GTF2F2: variants seen among roughly 807,000 people sequenced by gnomAD.
The protein encoded by GTF2F2 is general transcription factor IIF subunit 2, also known as ATP-dependent helicase GTF2F2.
Under a neutral mutation model 42.2 loss-of-function variants are expected in GTF2F2, and 23 were observed. The observed-to-expected ratio is 0.55, with a 90% CI of 0.39 to 0.77. The LOEUF (loss-of-function observed/expected upper bound fraction) is 0.77, where lower values mean the gene tolerates loss of function less well. Among genes scored for constraint, GTF2F2 ranks in the 30% least tolerant of loss-of-function variants. The pLI, the probability that GTF2F2 is intolerant of heterozygous loss-of-function variation, is 0.00. For missense variants in GTF2F2, 261 were observed against 287.2 expected (o/e 0.91, Z 0.66); for synonymous variants, 105 against 100.8 (o/e 1.04, Z -0.25).
chr13:45,200,877 G>T (rs903154988), intron 4 of GTF2F2, among the ~76,000 whole-genome samples: 1 of 152,172 alleles, frequency 6.6e-6, no homozygotes, highest in Non-Finnish European at 1.5e-5. Context: ...TGTCGACACA[G>T]GTGTGATGTA....
At chr13:45,283,144 G>T (rs917874025) in intron 7 of GTF2F2, among the ~76,000 whole-genome samples, 3 of 152,052 alleles carry the variant, frequency 2.0e-5, no homozygotes, top group African/African-American at 7.2e-5. Context: ...TAATTTTTTC[G>T]TGTATTTCAT....
chr13:45,148,564 A>G (rs1447919671), intron 2 of GTF2F2, among the ~76,000 whole-genome samples: 3 of 152,146 alleles, frequency 2.0e-5, no homozygotes, highest in Admixed American at 6.5e-5. Flanking sequence ...TTGTTGGGTC[A>G]TTCCTTAACT....
At chr13:45,171,866 CTTTT>C (rs35742068) in intron 4 of GTF2F2, among the ~76,000 whole-genome samples, 1 of 140,790 alleles carries the variant, frequency 7.1e-6, no homozygotes, top group Non-Finnish European at 1.6e-5. Context: ...CTTTTGTGAC[CTTTT>C]TTTTTTTTTT....
At chr13:45,269,205 C>A (rs1566157216) in intron 7 of GTF2F2, among the ~76,000 whole-genome samples, 1 of 152,078 alleles carries the variant, frequency 6.6e-6, no homozygotes, top group East Asian at 1.9e-4. Flanking sequence ...ATTCATATAC[C>A]CCATAGTGTA....
At chr13:45,128,042 G>A (rs1869134872) in intron 1 of GTF2F2, among the ~76,000 whole-genome samples, 1 of 132,322 alleles carries the variant, frequency 7.6e-6, no homozygotes, top group African/African-American at 2.9e-5. Flanking sequence ...CTCACTGCAA[G>A]CTCTGCCTCC....
At chr13:45,180,890 G>A (rs1028575099) in intron 4 of GTF2F2, among the ~76,000 whole-genome samples, 1 of 152,008 alleles carries the variant, frequency 6.6e-6, no homozygotes, top group Non-Finnish European at 1.5e-5. Flanking sequence ...ATCTGGGCGT[G>A]GTGGGTCACG....
At chr13:45,154,847 T>C (rs1274714178) in intron 4 of GTF2F2, among the ~76,000 whole-genome samples, 1 of 152,224 alleles carries the variant, frequency 6.6e-6, no homozygotes, top group African/African-American at 2.4e-5. Flanking sequence ...TCTGGATGTA[T>C]ATCACTTGGT....
chr13:45,205,336 C>T (rs1873369592), intron 4 of GTF2F2, among the ~76,000 whole-genome samples: 1 of 152,152 alleles, frequency 6.6e-6, no homozygotes, highest in Admixed American at 6.6e-5. Flanking sequence ...ATCACGAGAA[C>T]AGCATAGGGG....
At chr13:45,203,580 A>G (rs1381551718) in intron 4 of GTF2F2, among the ~76,000 whole-genome samples, 1 of 152,140 alleles carries the variant, frequency 6.6e-6, no homozygotes, top group African/African-American at 2.4e-5. Context: ...AGCATTCTAC[A>G]TAGTTTTTAT....
At chr13:45,170,852 G>A (rs144772832) in intron 4 of GTF2F2, among the ~76,000 whole-genome samples, 1,544 of 152,226 alleles carry the variant, frequency 0.01, 8 homozygotes, top group Non-Finnish European at 0.016. Flanking sequence ...AGGGGAGATT[G>A]TAATGAAAGC....
At chr13:45,173,877 A>G (rs759346781) in intron 4 of GTF2F2, among the ~76,000 whole-genome samples, 33 of 152,170 alleles carry the variant, frequency 2.2e-4, no homozygotes, top group Admixed American at 6.5e-4. Context: ...TCAGCCTCCC[A>G]AAGTGCTGGG....
At chr13:45,283,358 A>C (rs1877340269) in intron 7 of GTF2F2, 84 bp from the exon 8 acceptor site, 16 of 1,220,362 alleles carry the variant, frequency 1.3e-5, no homozygotes, top group Non-Finnish European at 1.7e-5. Context: ...TGGCTTGCAT[A>C]TGTGCTTTGG....
chr13:45,254,195 T>G (rs1876001667), intron 6 of GTF2F2, among the ~76,000 whole-genome samples: 1 of 152,186 alleles, frequency 6.6e-6, no homozygotes, highest in South Asian at 2.1e-4. Context: ...TTATTCTATT[T>G]TATTATGGGT....
chr13:45,192,430 C>G (rs1360028619), intron 4 of GTF2F2, among the ~76,000 whole-genome samples: 1 of 152,096 alleles, frequency 6.6e-6, no homozygotes, highest in Non-Finnish European at 1.5e-5. Flanking sequence ...TATGAGTCAT[C>G]AAACTTTTGG....
rs556311275 is a variant in GTF2F2 at position 45,280,820 on chromosome 13, T to G, written c.631-2622T>G. Among the ~76,000 whole-genome samples, 9 of 152,340 alleles carry G rather than the reference T, an allele frequency of 5.9e-5. No individual in the cohort carries two copies. In the East Asian group the frequency reaches 1.5e-3, roughly 26 times the overall value. On this transcript the variant is annotated intron_variant, in intron 7 of 7. Transcript: ENST00000340473. ...CACTAGACTTGAAGTCAGGAGAGCT[T>G]CTTTTCTATGGAGCTACTAAAATGC...
rs71184405 is a variant in GTF2F2 at position 45,242,256 on chromosome 13, C to CTT, written c.387-10592_387-10591dup. 4.9e-4 allele frequency among the ~76,000 whole-genome samples: 52 copies of CTT among 105,684 alleles called. 1 individual carries two copies. The highest frequency in any genetic ancestry group is 7.0e-4 in the African/African-American group (19 of 27,004). The allele number at this position is 105,684 out of a possible 152,430, so 69.3% of individuals were successfully genotyped here. On this transcript the variant is annotated intron_variant, in intron 5 of 7. Coordinates refer to ENST00000340473, the MANE Select transcript of GTF2F2 (RefSeq NM_004128.3). ...CAAGCTGCGTCTTCTGCTGGCACTT[C>CTT]TTTTTTTTTTTTTTTTTTTTTTTTA... is the stretch of plus-strand genomic sequence containing the variant.
At chr13:45,262,974 C>T (rs540639160) in intron 6 of GTF2F2, among the ~76,000 whole-genome samples, 7 of 152,148 alleles carry the variant, frequency 4.6e-5, no homozygotes, top group Non-Finnish European at 1.0e-4. Flanking sequence ...GATCCTCCCC[C>T]CTTGGCCTCC....
chr13:45,250,051 CTTTTTTTTTTTTT>C (rs780347641), intron 5 of GTF2F2, among the ~76,000 whole-genome samples: 1 of 100,862 alleles, frequency 9.9e-6, no homozygotes, highest in Non-Finnish European at 1.9e-5. Context: ...TGCCTTATCT[CTTTTTTTTTTTTT>C]TTTTTTTTTT....
chr13:45,249,414 G>A (rs925252854), intron 5 of GTF2F2, among the ~76,000 whole-genome samples: 5 of 152,044 alleles, frequency 3.3e-5, no homozygotes, highest in South Asian at 2.1e-4. Flanking sequence ...TATGTAAAAG[G>A]TTAAATGCTT....
Sources: allele counts gnomAD v4.1 joint callset (sites outside exome capture counted in the v4.1 genomes callset), GRCh38; gene constraint gnomAD v4.1.1; transcripts MANE v1.5; gene names NCBI Gene and HGNC (gene_info 2026-07-23, HGNC 2026-07-21).